CHD1L: variants seen among roughly 807,000 people sequenced by gnomAD.
The protein encoded by CHD1L is ATP-dependent chromatin remodeler CHD1L.
A neutral mutation model predicts 115.9 loss-of-function variants in CHD1L; 118 were observed. That is an observed-to-expected ratio of 1.02 (90% CI 0.88 to 1.19). The LOEUF (loss-of-function observed/expected upper bound fraction) is 1.19. Among genes scored for constraint, CHD1L ranks in the 50% most tolerant of loss-of-function variants. The pLI is 0.00. For missense variants in CHD1L, 1,179 were observed against 1,065.3 expected (o/e 1.11, Z -1.49); for synonymous variants, 411 against 387.1 (o/e 1.06, Z -0.72).
chr1:147,240,907 G>A (rs918149472), upstream of CHD1L, among the ~76,000 whole-genome samples: 9 of 152,144 alleles, frequency 5.9e-5, no homozygotes, highest in Non-Finnish European at 1.3e-4. Flanking sequence ...TAAGGGAACT[G>A]AGGCTGGTGC....
chr1:147,213,185 A>G, the CHD1L span: 1 of 804,054 alleles, frequency 1.2e-6, no homozygotes, highest in East Asian at 2.9e-5. Flanking sequence ...GGGGAACAAG[A>G]ATAATTAGGA....
the CHD1L span, chr1:147,190,257 C>T: frequency 6.5e-7 from 1 of 1,548,036 alleles, no homozygotes; most frequent in Non-Finnish European, 8.9e-7. Context: ...GACCTAAAAA[C>T]AAAAATTAAC....
At chr1:147,178,774 G>A in the CHD1L span, 4 of 1,603,234 alleles carry the variant, frequency 2.5e-6, no homozygotes, top group South Asian at 4.4e-5. Context: ...CAAGACTGTG[G>A]CATATACAGT....
the CHD1L span, among the ~76,000 whole-genome samples, chr1:147,189,837 C>T: frequency 1.3e-5 from 2 of 152,144 alleles, no homozygotes; most frequent in African/African-American, 4.8e-5. Context: ...TGTCACTCTT[C>T]CTTCCTCTGG....
chr1:147,204,922 T>TG, the CHD1L span: 2 of 1,563,628 alleles, frequency 1.3e-6, no homozygotes, highest in Non-Finnish European at 1.8e-6. Context: ...CTTGGGAACT[T>TG]GAAGCGCCAT....
Position 147,255,645 on chromosome 1 carries a change from A to G in CHD1L, c.348-168A>G, listed in dbSNP as rs143832933. On this transcript the variant is annotated intron_variant, in intron 3 of 22. Coordinates refer to ENST00000369258, the MANE Select transcript of CHD1L (RefSeq NM_004284.6). ...CCTGTTCACATAGGAACTCGCTCTG[A>G]GGTTCAACCATTTTTTTAGATAAGA... 2.2e-3 allele frequency among the ~76,000 whole-genome samples: 330 copies of G among 152,296 alleles called. 2 individuals are homozygous for G. The highest frequency in any genetic ancestry group is 2.9e-3 in the Non-Finnish European group (199 of 68,028).
At chr1:147,213,563 C>T in the CHD1L span, 1 of 1,039,522 alleles carries the variant, frequency 9.6e-7, no homozygotes. Context: ...GACACTATCA[C>T]ATAATAGGAC....
chr1:147,220,186 A>G, the CHD1L span, among the ~76,000 whole-genome samples: 1 of 152,184 alleles, frequency 6.6e-6, no homozygotes, highest in African/African-American at 2.4e-5. Context: ...TGAAATTTTA[A>G]AAACTCCATC....
At chr1:147,236,082 G>A in the CHD1L span, among the ~76,000 whole-genome samples, 1 of 152,160 alleles carries the variant, frequency 6.6e-6, no homozygotes, top group African/African-American at 2.4e-5. Context: ...TGCCAGCTGT[G>A]GCAAGGCAGG....
At chr1:147,195,583 A>T in the CHD1L span, among the ~76,000 whole-genome samples, 2 of 152,164 alleles carry the variant, frequency 1.3e-5, no homozygotes, top group Non-Finnish European at 2.9e-5. Context: ...AGATGCACAA[A>T]CAGTTCCAGT....
At chr1:147,284,317 C>CT (rs1559870292) in intron 15 of CHD1L, 34 bp from the exon 16 acceptor site, 3 of 1,498,364 alleles carry the variant, frequency 2.0e-6, no homozygotes, top group Non-Finnish European at 2.7e-6. Flanking sequence ...TCCTTGGTAT[C>CT]TAACATTTCT....
intron 14 of CHD1L, among the ~76,000 whole-genome samples, chr1:147,276,808 C>T (rs1421691521): frequency 2.0e-5 from 3 of 152,186 alleles, no homozygotes; most frequent in Non-Finnish European, 2.9e-5. Flanking sequence ...CTTAGAGTTA[C>T]TCTGTAGCAG....
At chr1:147,219,839 G>T in the CHD1L span, among the ~76,000 whole-genome samples, 1 of 106,694 alleles carries the variant, frequency 9.4e-6, no homozygotes, top group East Asian at 3.6e-4. Flanking sequence ...AATGTTAATT[G>T]CTTTTTTTTT....
intron 19 of CHD1L, among the ~76,000 whole-genome samples, chr1:147,288,339 A>G (rs1415300226): frequency 2.2e-4 from 6 of 26,886 alleles, no homozygotes; most frequent in African/African-American, 4.6e-4. Flanking sequence ...AAAAAAAAAA[A>G]AAAAAAAGAA....
chr1:147,198,545 A>G, the CHD1L span, among the ~76,000 whole-genome samples: 3 of 151,888 alleles, frequency 2.0e-5, no homozygotes, highest in Admixed American at 1.3e-4. Context: ...AAGTATGGTA[A>G]AGACTAGTGA....
At chr1:147,245,382 T>C (rs1666281415) in intron 1 of CHD1L, among the ~76,000 whole-genome samples, 1 of 152,186 alleles carries the variant, frequency 6.6e-6, no homozygotes, top group South Asian at 2.1e-4. Context: ...TCATGGATTG[T>C]GGCTGCGTTG....
chr1:147,212,541 A>G, the CHD1L span: 3 of 1,609,402 alleles, frequency 1.9e-6, no homozygotes, highest in East Asian at 4.5e-5. Context: ...AATTCCTGCA[A>G]GAGAAGGGAA....
At chr1:147,234,806 C>T in the CHD1L span, among the ~76,000 whole-genome samples, 3 of 152,146 alleles carry the variant, frequency 2.0e-5, no homozygotes, top group African/African-American at 7.2e-5. Context: ...TTTTAACCAG[C>T]ATGGCCCTTA....
At chr1:147,285,820 C>T (rs1306128898) in intron 17 of CHD1L, among the ~76,000 whole-genome samples, 1 of 152,104 alleles carries the variant, frequency 6.6e-6, no homozygotes, top group African/African-American at 2.4e-5. Context: ...CTATAACCTC[C>T]CTAGTAGCTG....
Sources: gnomAD v4.1 joint callset for allele counts (sites outside exome capture counted in the v4.1 genomes callset) on GRCh38, gnomAD v4.1.1 for gene constraint, MANE v1.5 for transcripts, NCBI Gene and HGNC (gene_info 2026-07-23, HGNC 2026-07-21) for gene names.